CHSY3: variants seen among roughly 807,000 people sequenced by gnomAD.
The protein encoded by CHSY3 is chondroitin sulfate synthase 3.
Under a neutral mutation model 67.2 loss-of-function variants are expected in CHSY3, and 35 were observed. The ratio of observed to expected loss-of-function variants is 0.52; its 90% CI spans 0.40 to 0.69. CHSY3 has a LOEUF of 0.69. Ranked by LOEUF, CHSY3 falls within the 30% of genes least tolerant of loss-of-function variation. The pLI, the probability that CHSY3 is intolerant of heterozygous loss-of-function variation, is 0.00. For missense variants in CHSY3, 1,069 were observed against 1,138.5 expected (o/e 0.94, Z 0.88); for synonymous variants, 474 against 434.7 (o/e 1.09, Z -1.12).
chr5:130,032,231 C>T (rs948881170), intron 2 of CHSY3, among the ~76,000 whole-genome samples: 4 of 152,054 alleles, frequency 2.6e-5, no homozygotes, highest in African/African-American at 7.2e-5. Flanking sequence ...AATCATTTCC[C>T]GTCACATATT....
intron 2 of CHSY3, among the ~76,000 whole-genome samples, chr5:130,099,653 G>C (rs933884746): frequency 8.5e-5 from 13 of 152,118 alleles, no homozygotes; most frequent in African/African-American, 3.1e-4. Context: ...TTTTGCACTG[G>C]TGTGAGGAGC....
At chr5:130,039,528 T>C (rs901852141) in intron 2 of CHSY3, among the ~76,000 whole-genome samples, 4 of 116,416 alleles carry the variant, frequency 3.4e-5, no homozygotes, top group African/African-American at 1.1e-4. Context: ...AAAACCAAGA[T>C]GATAGATTAA....
chr5:129,915,401 A>T (rs1468959084), intron 2 of CHSY3, among the ~76,000 whole-genome samples: 1 of 152,176 alleles, frequency 6.6e-6, no homozygotes, highest in South Asian at 2.1e-4. Context: ...TTGAGTCGTG[A>T]TCTGTGTTTA....
intron 2 of CHSY3, among the ~76,000 whole-genome samples, chr5:130,048,085 T>G (rs2149669508): frequency 6.6e-6 from 1 of 152,014 alleles, no homozygotes; most frequent in South Asian, 2.1e-4. Context: ...ATGAACAAAT[T>G]AGTAGAACGA....
chr5:129,908,802 A>C (rs1198073991), intron 2 of CHSY3, among the ~76,000 whole-genome samples: 2 of 152,072 alleles, frequency 1.3e-5, no homozygotes, highest in East Asian at 3.9e-4. Context: ...TAAATGGTTA[A>C]AATCTGAAGT....
At chr5:130,145,611 T>G (rs914149940) in intron 2 of CHSY3, among the ~76,000 whole-genome samples, 2 of 151,964 alleles carry the variant, frequency 1.3e-5, no homozygotes, top group African/African-American at 4.8e-5. Flanking sequence ...TGAGATTACA[T>G]CAAACTAAAA....
intron 2 of CHSY3, among the ~76,000 whole-genome samples, chr5:130,179,205 C>A (rs933803937): frequency 2.0e-5 from 3 of 152,106 alleles, no homozygotes; most frequent in African/African-American, 4.8e-5. Flanking sequence ...GGATTTTGTT[C>A]TTTTATTGAA....
At chr5:129,911,985 G>A (rs1198925044) in intron 2 of CHSY3, among the ~76,000 whole-genome samples, 1 of 152,150 alleles carries the variant, frequency 6.6e-6, no homozygotes, top group Non-Finnish European at 1.5e-5. Flanking sequence ...GAACCCGGGA[G>A]GCGGAGCTTG....
At chr5:129,931,752 A>G (rs1761316340) in intron 2 of CHSY3, among the ~76,000 whole-genome samples, 2 of 152,098 alleles carry the variant, frequency 1.3e-5, no homozygotes, top group Admixed American at 6.6e-5. Flanking sequence ...TAAGTATCTA[A>G]TTCTAGTTTT....
intron 2 of CHSY3, among the ~76,000 whole-genome samples, chr5:130,183,586 G>C (rs1273895452): frequency 6.6e-6 from 1 of 152,062 alleles, no homozygotes; most frequent in Non-Finnish European, 1.5e-5. Context: ...GATCTGTTAT[G>C]GGGTTATGGA....
At chr5:129,946,443 CTGTTT>C (rs1465328969) in intron 2 of CHSY3, among the ~76,000 whole-genome samples, 2 of 152,098 alleles carry the variant, frequency 1.3e-5, no homozygotes, top group African/African-American at 2.4e-5. Flanking sequence ...ATTTAAGCGA[CTGTTT>C]TGTTTGGATT....
At chr5:129,984,327 A>G (rs896798714) in intron 2 of CHSY3, among the ~76,000 whole-genome samples, 3 of 152,114 alleles carry the variant, frequency 2.0e-5, no homozygotes, top group African/African-American at 7.2e-5. Flanking sequence ...AATGGCTTCC[A>G]GCTCCATCCA....
chr5:130,065,767 T>C (rs1561520631), intron 2 of CHSY3, among the ~76,000 whole-genome samples: 1 of 152,176 alleles, frequency 6.6e-6, no homozygotes, highest in Non-Finnish European at 1.5e-5. Flanking sequence ...ATTTATTGTC[T>C]GACATCATTG....
chr5:130,012,991 A>C, intron 2 of CHSY3, among the ~76,000 whole-genome samples: 1 of 152,140 alleles, frequency 6.6e-6, no homozygotes. Context: ...AGATACAATG[A>C]GGGTACAGGC....
Position 130,153,543 on chromosome 5 carries a change from G to A in CHSY3, c.1087-30686G>A, listed in dbSNP as rs575614305. Among the ~76,000 whole-genome samples the A allele has an allele frequency of 1.1e-3, 173 of 152,100 alleles. 2 individuals carry two copies. Among genetic ancestry groups the A allele is most frequent in the South Asian group, 3.1e-3 (15 of 4,816 alleles). ...CAGCGTATAATCCCCAATCTGGGAA[G>A]CCTTTTTTCATTGCTCCAACAGGTA... On this transcript the variant is annotated intron_variant, in intron 2 of 2. Coordinates refer to ENST00000305031, the MANE Select transcript of CHSY3 (RefSeq NM_175856.5).
chr5:130,050,236 A>G (rs13173177), intron 2 of CHSY3, among the ~76,000 whole-genome samples: 6 of 151,984 alleles, frequency 3.9e-5, no homozygotes, highest in Non-Finnish European at 5.9e-5. Context: ...TTGTATGTCA[A>G]TTGTCTTCTA....
At chr5:130,006,249 CT>C (rs1396693428) in intron 2 of CHSY3, among the ~76,000 whole-genome samples, 1 of 152,034 alleles carries the variant, frequency 6.6e-6, no homozygotes, top group Non-Finnish European at 1.5e-5. Flanking sequence ...AGGAATTTGC[CT>C]GGAATGGTTA....
At chr5:130,145,863 A>G (rs553920885) in intron 2 of CHSY3, among the ~76,000 whole-genome samples, 22 of 152,268 alleles carry the variant, frequency 1.4e-4, no homozygotes, top group Admixed American at 3.3e-4. Flanking sequence ...GTTCAACATC[A>G]CTAATCATCA....
intron 2 of CHSY3, among the ~76,000 whole-genome samples, chr5:130,115,273 A>ATATTTGT (rs1767755861): frequency 1.3e-5 from 2 of 152,052 alleles, no homozygotes; most frequent in Non-Finnish European, 2.9e-5. Context: ...AGAGAACATA[A>ATATTTGT]TCATCTTGTG....
Sources: allele counts gnomAD v4.1 joint callset (sites outside exome capture counted in the v4.1 genomes callset), GRCh38; gene constraint gnomAD v4.1.1; transcripts MANE v1.5; gene names NCBI Gene and HGNC (gene_info 2026-07-23, HGNC 2026-07-21).